Variants in DNMBP observed in about 807,000 individuals in gnomAD.
DNMBP encodes the protein dynamin binding protein, also known as dynamin-binding protein.
In DNMBP, 87 loss-of-function variants were observed where a neutral mutation model predicts 150.0. That is an observed-to-expected ratio of 0.58 (90% CI 0.49 to 0.69). DNMBP has a LOEUF of 0.69. Among genes scored for constraint, DNMBP ranks in the 30% least tolerant of loss-of-function variants. The probability of loss-of-function intolerance (pLI) is 0.00; values close to 1 mark genes in which losing one functional copy is unlikely to be tolerated. For synonymous variants in DNMBP, 711 were observed against 750.4 expected (o/e 0.95, Z 0.86); for missense variants, 1,774 against 1,949.0 (o/e 0.91, Z 1.69).
At chr10:99,955,150 G>T in intron 4 of DNMBP, 64 bp downstream of exon 4, 1 of 1,440,924 alleles carries the variant, frequency 6.9e-7, no homozygotes, top group Non-Finnish European at 9.5e-7. Context: ...AAAAGCCTGG[G>T]TAGGCTGTTT....
Position 99,956,114 on chromosome 10 carries a change from T to C in DNMBP, c.1360A>G (p.Arg454Gly), listed in dbSNP as rs1589437680. ...PDLLPLEART[R>G]DYASLPPKRM... ...TTGGGAGGTAGGCTGGCATAGTCTC[T>C]AGTCCTTGCTTCTAGGGGAAGAAGG... The change falls in exon 4 of 17, where the codon AGA (arginine) becomes GGA (glycine). Residue 454 changes from arginine (R) to glycine (G), a missense_variant. By Grantham distance (125) the Arg-to-Gly change is moderately radical (BLOSUM62 -2). This residue lies in a region of DNMBP where 1,430 missense variants were observed against 1,492.5 expected (regional missense o/e 0.96). Transcript: ENST00000324109. The C allele has an allele frequency of 1.9e-6, 3 of 1,614,196 alleles. No homozygotes were observed. Among genetic ancestry groups the C allele is most frequent in the Non-Finnish European group, 2.5e-6 (3 of 1,180,022 alleles).
Position 99,909,051 on chromosome 10 carries a change from C to T in DNMBP, c.2356G>A (p.Ala786Thr). The T allele has an allele frequency of 6.2e-7, 1 of 1,614,224 alleles. No homozygotes were observed. Residue 786 changes from alanine to threonine, a missense_variant, in exon 5 of 17, where the codon GCC becomes ACC. Physicochemically the swap from Ala to Thr is moderately conservative, Grantham distance 58 (BLOSUM62 0). This residue lies in a region of DNMBP where 1,430 missense variants were observed against 1,492.5 expected (regional missense o/e 0.96). Transcript: ENST00000324109. ...TGAAGAAGTTCTTCTATGACCTTGGCTCTCTTCTCCAGCATCCTCTGCTCT... is the reference window on the plus strand; with the variant it reads ...TGAAGAAGTTCTTCTATGACCTTGGTTCTCTTCTCCAGCATCCTCTGCTCT... ...NPEQRMLEKR[A>T]KVIEELLQTE...
chr10:99,928,251 G>A (rs892342027), intron 4 of DNMBP: 2 of 152,154 alleles, frequency 1.3e-5, no homozygotes, highest in African/African-American at 4.8e-5. Context: ...GTAAACCACC[G>A]GCCATCCCAG....
rs564389075 is a variant in DNMBP at position 99,917,982 on chromosome 10, A to G, written c.2261-8836T>C. Among the ~76,000 whole-genome samples the G allele has an allele frequency of 7.3e-4, 89 of 122,100 alleles. 1 individual carries two copies. The East Asian group carries it at 0.013, about 17-fold the overall frequency. 80.1% of individuals were successfully genotyped at this position (122,100 alleles called of 152,430 possible). ...AGACTCTGTCTCAAAAAAAAAAAAAAAAAAAAAAGAAAAGAAAGGAAAACA... is the reference window on the plus strand; with the variant it reads ...AGACTCTGTCTCAAAAAAAAAAAAAGAAAAAAAAGAAAAGAAAGGAAAACA... On this transcript the variant is annotated intron_variant, in intron 4 of 16. Transcript: ENST00000324109.
chr10:99,915,108 A>AAAAAAAATAT (rs10654940), intron 4 of DNMBP, among the ~76,000 whole-genome samples: 19 of 99,794 alleles, frequency 1.9e-4, no homozygotes, highest in East Asian at 1.4e-3. Context: ...AAAAAAAAAA[A>AAAAAAAATAT]ATATATATAT....
chr10:99,977,445 T>C (rs1210233966), intron 1 of DNMBP, among the ~76,000 whole-genome samples: 1 of 152,188 alleles, frequency 6.6e-6, no homozygotes, highest in East Asian at 1.9e-4. Flanking sequence ...ACAGATGGGC[T>C]TGAGAGAACA....
chr10:100,006,549 TAA>T (rs990982009), intron 1 of DNMBP, among the ~76,000 whole-genome samples: 1 of 152,190 alleles, frequency 6.6e-6, no homozygotes, highest in African/African-American at 2.4e-5. Flanking sequence ...TTTTAAAACA[TAA>T]GTCATCATCA....
At chr10:99,924,658 A>G (rs1440603116) in intron 4 of DNMBP, among the ~76,000 whole-genome samples, 1 of 152,230 alleles carries the variant, frequency 6.6e-6, no homozygotes, top group East Asian at 1.9e-4. Context: ...ACATTAGTTA[A>G]TAAACACCTG....
At chr10:99,907,336 A>C (rs1450150732) in intron 6 of DNMBP, among the ~76,000 whole-genome samples, 2 of 151,994 alleles carry the variant, frequency 1.3e-5, no homozygotes, top group South Asian at 2.1e-4. Context: ...GTCAAAAAAA[A>C]AACAACAGAT....
chr10:100,000,717 C>G (rs2040998565), intron 1 of DNMBP, among the ~76,000 whole-genome samples: 1 of 151,952 alleles, frequency 6.6e-6, no homozygotes, highest in African/African-American at 2.4e-5. Context: ...CTGTTGAGGG[C>G]ACATCAGGTA....
chr10:99,891,409 G>A (rs1418957153), intron 11 of DNMBP, among the ~76,000 whole-genome samples: 2 of 151,750 alleles, frequency 1.3e-5, no homozygotes, highest in Admixed American at 6.6e-5. Flanking sequence ...CCCTAACCGC[G>A]AGTGATCCGC....
At position 99,932,996 on chromosome 10, in the gene DNMBP, T is replaced by C. The variant is rs555670529; in HGVS notation, c.2260+22218A>G. Among the ~76,000 whole-genome samples, 3 of 150,874 alleles carry C rather than the reference T, an allele frequency of 2.0e-5. No individual in the cohort carries two copies. The East Asian group carries it at 5.8e-4, about 29-fold the overall frequency. ...GACTTACGGTTCAGTAACAGGGCTA[T>C]AAAACAGGGGCATTGAGGCAGAATA... On this transcript the variant is annotated intron_variant, in intron 4 of 16. Coordinates refer to ENST00000324109, the MANE Select transcript of DNMBP (RefSeq NM_015221.4).
intron 7 of DNMBP, 101 bp from the exon 8 acceptor site, chr10:99,898,861 T>A: frequency 1.8e-6 from 2 of 1,100,024 alleles, no homozygotes; most frequent in Non-Finnish European, 2.7e-6. Flanking sequence ...GGACAAAAAA[T>A]TATGAATGTT....
At chr10:99,901,958 AGT>A (rs1181817773) in intron 6 of DNMBP, among the ~76,000 whole-genome samples, 3 of 151,880 alleles carry the variant, frequency 2.0e-5, no homozygotes, top group Non-Finnish European at 4.4e-5. Context: ...GCTGGAGTGC[AGT>A]GGCACAATCT....
chr10:100,003,797 G>A (rs184616469), intron 1 of DNMBP, among the ~76,000 whole-genome samples: 18 of 152,068 alleles, frequency 1.2e-4, no homozygotes, highest in Non-Finnish European at 1.8e-4. Context: ...GGGCAACAGA[G>A]GGAGACCCTG....
chr10:99,918,574 CTTTT>C (rs71009786), intron 4 of DNMBP, among the ~76,000 whole-genome samples: 1 of 137,904 alleles, frequency 7.3e-6, no homozygotes, highest in Non-Finnish European at 1.5e-5. Flanking sequence ...TCTGCAACTT[CTTTT>C]TTTTTTTTGA....
Position 99,879,805 on chromosome 10 carries a change from A to G in DNMBP, c.4548+6T>C, listed in dbSNP as rs2039334542. 6.2e-7 allele frequency: 1 copy of G among 1,613,442 alleles called. No homozygotes were observed. On this transcript the variant is annotated splice_donor_region_variant and intron_variant, in intron 16 of 16. Coordinates refer to ENST00000324109, the MANE Select transcript of DNMBP (RefSeq NM_015221.4). ...TGCCACAGTGGCAGGCCTCTTACGCACTCACCTGGTTGCCTTCTGCCTCAC... is the reference window on the plus strand; with the variant it reads ...TGCCACAGTGGCAGGCCTCTTACGCGCTCACCTGGTTGCCTTCTGCCTCAC...
chr10:99,986,409 G>A (rs573658408), intron 1 of DNMBP, among the ~76,000 whole-genome samples: 1 of 152,074 alleles, frequency 6.6e-6, no homozygotes, highest in South Asian at 2.1e-4. Context: ...AAGGACGGCT[G>A]CCCTTCACAA....
chr10:99,892,176 G>A lies in DNMBP; in HGVS notation c.3156+2770C>T, dbSNP rs1157689958. Among the ~76,000 whole-genome samples the A allele has an allele frequency of 1.5e-4, 22 of 143,282 alleles. 2 individuals carry two copies. Among genetic ancestry groups the A allele is most frequent in the African/African-American group, 5.8e-4 (22 of 37,850 alleles). The allele number at this position is 143,282 out of a possible 152,430, so 94.0% of individuals were successfully genotyped here. On this transcript the variant is annotated intron_variant, in intron 11 of 16. Coordinates refer to ENST00000324109, the MANE Select transcript of DNMBP (RefSeq NM_015221.4). ...GCCCCGTCCAGGAGGGAGGTGGGGG[G>A]GTCAGCCCCCTGCCCGGCCAGCCGC...
Sources: gnomAD v4.1 joint callset for allele counts (sites outside exome capture counted in the v4.1 genomes callset) on GRCh38, gnomAD v4.1.1 for gene constraint, gnomAD v4.1.1 regional missense constraint, MANE v1.5 for transcripts, NCBI Gene and HGNC (gene_info 2026-07-23, HGNC 2026-07-21) for gene names.